The following MYO10 variants were observed in gnomAD, a reference collection of about 807,000 sequenced individuals.
MYO10 encodes the protein myosin X.
Under a neutral mutation model 257.3 loss-of-function variants are expected in MYO10, and 133 were observed. The observed-to-expected ratio is 0.52, with a 90% CI of 0.45 to 0.60. The LOEUF is 0.60. MYO10 is among the 20% of genes least tolerant of loss of function. The pLI is 0.00. For synonymous variants in MYO10, 1,104 were observed against 1,028.6 expected, an observed-to-expected ratio of 1.07 and a Z score of -1.40; for missense variants, 2,399 against 2,635.7, an observed-to-expected ratio of 0.91 and a Z score of 1.97.
chr5:16,863,009 C>T (rs778657396), intron 2 of MYO10, among the ~76,000 whole-genome samples: 1 of 152,110 alleles, frequency 6.6e-6, no homozygotes, highest in Non-Finnish European at 1.5e-5. Flanking sequence ...CAGAGGCATG[C>T]TTGAGTCCAG....
intron 1 of MYO10, among the ~76,000 whole-genome samples, chr5:16,896,753 TG>T (rs1745230506): frequency 6.6e-6 from 1 of 152,048 alleles, no homozygotes; most frequent in Non-Finnish European, 1.5e-5. Context: ...TGGGGTGCAG[TG>T]GGGTGGCAGG....
intron 28 of MYO10, among the ~76,000 whole-genome samples, chr5:16,687,342 C>A (rs754421546): frequency 2.0e-5 from 3 of 150,870 alleles, no homozygotes; most frequent in African/African-American, 7.3e-5. Flanking sequence ...AAATACAAAA[C>A]GAAACAAAAC....
intron 2 of MYO10, among the ~76,000 whole-genome samples, chr5:16,841,828 TC>T (rs1226510018): frequency 1.8e-4 from 27 of 152,334 alleles, no homozygotes; most frequent in Admixed American, 1.4e-3. Flanking sequence ...GATCTCTTTG[TC>T]CTGGCTTCAT....
intron 21 of MYO10, chr5:16,710,577 A>G (rs893192395): frequency 3.2e-6 from 1 of 312,772 alleles, no homozygotes; most frequent in Non-Finnish European, 6.1e-6. Context: ...CGCTTTGTAG[A>G]CACTGGGGGC....
chr5:16,754,225 G>A (rs1740463805), intron 19 of MYO10, among the ~76,000 whole-genome samples: 6 of 152,086 alleles, frequency 3.9e-5, no homozygotes, highest in Admixed American at 3.9e-4. Flanking sequence ...TAACACTATA[G>A]TTTCTTTGTT....
chr5:16,913,142 T>TC (rs1745714171), intron 1 of MYO10, among the ~76,000 whole-genome samples: 1 of 150,304 alleles, frequency 6.7e-6, no homozygotes, highest in Non-Finnish European at 1.5e-5. Flanking sequence ...TAAAACAAAC[T>TC]CTTTTCTCAC....
chr5:16,664,672 G>A lies in MYO10; in HGVS notation c.*2020C>T, dbSNP rs954049618. 6.6e-6 allele frequency: 1 copy of A among 152,282 alleles called. No individual in the cohort carries two copies. The highest frequency in any genetic ancestry group is 1.5e-5 in the Non-Finnish European group (1 of 68,086). The allele number at this position is 152,282 out of a possible 1,614,324, so 9.4% of individuals were successfully genotyped here. A position where few individuals can be genotyped will look rare whatever the true frequency, so the allele number is the denominator to read the frequency against. On this transcript the variant is annotated 3_prime_UTR_variant, in exon 41 of 41. Coordinates refer to ENST00000513610, the MANE Select transcript of MYO10 (RefSeq NM_012334.3). ...ACCTGTGTGTTCTGGTCCACAGGGA[G>A]GTGCAGGCAGGTTCTAGGATCCAGG...
At chr5:16,838,778 G>A (rs796854606) in intron 2 of MYO10, among the ~76,000 whole-genome samples, 8 of 152,298 alleles carry the variant, frequency 5.3e-5, no homozygotes, top group African/African-American at 1.9e-4. Context: ...TAATGCAAAT[G>A]AGGACTTTAA....
At chr5:16,757,813 C>T (rs1003600773) in intron 18 of MYO10, among the ~76,000 whole-genome samples, 3 of 152,080 alleles carry the variant, frequency 2.0e-5, no homozygotes, top group South Asian at 2.1e-4. Context: ...TACAGGCATG[C>T]GCCACCGCAC....
At chr5:16,884,964 C>T (rs1744855842) in intron 1 of MYO10, among the ~76,000 whole-genome samples, 1 of 152,144 alleles carries the variant, frequency 6.6e-6, no homozygotes, top group Non-Finnish European at 1.5e-5. Flanking sequence ...TAATTGAAAG[C>T]AGACTCTGTT....
rs188015251 is a variant in MYO10 at position 16,766,071 on chromosome 5, C to T, written c.1179+9G>A. ...AGTAACGCAAGATCAGATGGCAAAG[C>T]GTGTGTACCTGTTGAACATTGAGAG... On this transcript the variant is annotated intron_variant, in intron 11 of 40. Coordinates refer to ENST00000513610, the MANE Select transcript of MYO10 (RefSeq NM_012334.3). The T allele has an allele frequency of 7.8e-5, 123 of 1,585,156 alleles. No homozygotes were observed. Among genetic ancestry groups the T allele is most frequent in the Non-Finnish European group, 1.0e-4 (116 of 1,153,944 alleles).
intron 3 of MYO10, among the ~76,000 whole-genome samples, chr5:16,802,987 C>T (rs1742165148): frequency 6.6e-6 from 1 of 151,858 alleles, no homozygotes; most frequent in African/African-American, 2.4e-5. Context: ...TGCCTGTATT[C>T]CCAGCCACTA....
At chr5:16,753,882 A>G (rs35640373) in intron 19 of MYO10, among the ~76,000 whole-genome samples, 3,770 of 152,322 alleles carry the variant, frequency 0.025, 179 homozygotes, top group African/African-American at 0.085. Flanking sequence ...CATCAGTCAA[A>G]TTACCAGAAT....
chr5:16,835,814 A>AAG (rs1743297097), intron 2 of MYO10, among the ~76,000 whole-genome samples: 2 of 151,782 alleles, frequency 1.3e-5, no homozygotes, highest in Non-Finnish European at 2.9e-5. Context: ...AGTCTTTAAA[A>AAG]AAAAAAAAGA....
chr5:16,911,179 T>C (rs533653258), intron 1 of MYO10, among the ~76,000 whole-genome samples: 11 of 152,262 alleles, frequency 7.2e-5, no homozygotes, highest in Admixed American at 2.6e-4. Context: ...AACAGAGATC[T>C]ATGAGGATCC....
intron 1 of MYO10, among the ~76,000 whole-genome samples, chr5:16,890,676 C>G (rs775922937): frequency 4.6e-5 from 7 of 151,470 alleles, no homozygotes; most frequent in Non-Finnish European, 8.8e-5. Flanking sequence ...CCTATCTCCA[C>G]TAAAAATACA....
At chr5:16,686,620 C>T (rs980332295) in intron 28 of MYO10, among the ~76,000 whole-genome samples, 1 of 151,928 alleles carries the variant, frequency 6.6e-6, no homozygotes. Context: ...CTGCAACCTC[C>T]GCCTCCCGGG....
At chr5:16,926,315 T>A (rs1178699870) in intron 1 of MYO10, among the ~76,000 whole-genome samples, 1 of 152,238 alleles carries the variant, frequency 6.6e-6, no homozygotes, top group African/African-American at 2.4e-5. Flanking sequence ...ATTCTTTTTT[T>A]AATCTAAATA....
intron 2 of MYO10, among the ~76,000 whole-genome samples, chr5:16,876,074 C>G (rs1417819125): frequency 6.6e-6 from 1 of 152,120 alleles, no homozygotes; most frequent in Non-Finnish European, 1.5e-5. Flanking sequence ...GATGGTACCA[C>G]TGCACTCCAG....
Sources: allele counts gnomAD v4.1 joint callset (sites outside exome capture counted in the v4.1 genomes callset), GRCh38; gene constraint gnomAD v4.1.1; transcripts MANE v1.5; gene names NCBI Gene and HGNC (gene_info 2026-07-23, HGNC 2026-07-21).